The following SMYD4 variants were observed in gnomAD, a reference collection of about 807,000 sequenced individuals.
SMYD4 encodes protein-lysine N-methyltransferase SMYD4.
Under a neutral mutation model 72.8 loss-of-function variants are expected in SMYD4, and 68 were observed. That is an observed-to-expected ratio of 0.93 (90% CI 0.77 to 1.14). The LOEUF (loss-of-function observed/expected upper bound fraction) is 1.14, where lower values mean the gene tolerates loss of function less well. Among genes scored for constraint, SMYD4 ranks in the 50% most tolerant of loss-of-function variants. The probability of loss-of-function intolerance (pLI) is 0.00; values close to 1 mark genes in which losing one functional copy is unlikely to be tolerated. For synonymous variants in SMYD4, 407 were observed against 388.6 expected (o/e 1.05, Z -0.56); for missense variants, 984 against 1,003.7 (o/e 0.98, Z 0.27).
chr17:1,782,961 T>C (rs1908443667), intron 10 of SMYD4, 74 bp downstream of exon 10: 8 of 1,547,872 alleles, frequency 5.2e-6, no homozygotes, highest in South Asian at 4.9e-5. Context: ...AAAAACACCA[T>C]AGAAAAAAAG....
At chr17:1,802,237 T>C (rs989200654) in intron 4 of SMYD4, among the ~76,000 whole-genome samples, 1 of 152,152 alleles carries the variant, frequency 6.6e-6, no homozygotes, top group Non-Finnish European at 1.5e-5. Flanking sequence ...ACGCCTGTAA[T>C]CCCAGCATTA....
At chr17:1,817,927 G>C (rs971351027) in intron 2 of SMYD4, among the ~76,000 whole-genome samples, 2 of 151,634 alleles carry the variant, frequency 1.3e-5, no homozygotes, top group Non-Finnish European at 2.9e-5. Flanking sequence ...GGTGCCTGTA[G>C]TCCCAGCTAC....
intron 2 of SMYD4, among the ~76,000 whole-genome samples, chr17:1,817,736 A>C (rs942306492): frequency 1.3e-5 from 2 of 151,958 alleles, no homozygotes; most frequent in African/African-American, 4.8e-5. Context: ...CAATGTCAAG[A>C]TTTTCCCCTA....
At chr17:1,817,954 G>C (rs1361267844) in intron 2 of SMYD4, among the ~76,000 whole-genome samples, 1 of 150,392 alleles carries the variant, frequency 6.6e-6, no homozygotes. Context: ...GGCTGAGGCA[G>C]GAGAATGGCG....
At chr17:1,784,577 G>C in intron 7 of SMYD4, 116 bp from the exon 8 acceptor site, 1 of 1,506,382 alleles carries the variant, frequency 6.6e-7, no homozygotes, top group Admixed American at 2.2e-5. Flanking sequence ...AGAGACTCCT[G>C]TAACAATACA....
intron 4 of SMYD4, among the ~76,000 whole-genome samples, chr17:1,803,783 A>C (rs1176362577): frequency 6.6e-6 from 1 of 151,360 alleles, no homozygotes; most frequent in Admixed American, 6.6e-5. Context: ...ACAGGCGTGA[A>C]CCACCATGCC....
At chr17:1,813,623 CG>C in intron 2 of SMYD4, among the ~76,000 whole-genome samples, 1 of 152,040 alleles carries the variant, frequency 6.6e-6, no homozygotes, top group East Asian at 1.9e-4. Context: ...ATCATGTTGC[CG>C]AGGCCGGTCT....
chr17:1,803,056 T>C lies in SMYD4; in HGVS notation c.369+1570A>G, dbSNP rs189906110. Reference sequence around the variant, plus strand: ...CTACTCAGAGGCTGAGGCAGGAGAATCGTTGAACCCGGGAGGCGGAGGTTG... The same window carrying C: ...CTACTCAGAGGCTGAGGCAGGAGAACCGTTGAACCCGGGAGGCGGAGGTTG... On this transcript the variant is annotated intron_variant, in intron 4 of 10. Coordinates refer to ENST00000305513, the MANE Select transcript of SMYD4 (RefSeq NM_052928.3). 4.1e-4 allele frequency among the ~76,000 whole-genome samples: 63 copies of C among 152,254 alleles called. No homozygotes were observed. In the East Asian group the frequency reaches 0.012, roughly 28 times the overall value.
At chr17:1,782,944 T>C (rs1908442604) in intron 10 of SMYD4, 91 bp downstream of exon 10, 1 of 1,529,428 alleles carries the variant, frequency 6.5e-7, no homozygotes, top group Non-Finnish European at 8.8e-7. Flanking sequence ...AGTTTCAACA[T>C]GCTTTTAAAA....
Position 1,800,062 on chromosome 17 carries a change from A to G in SMYD4, c.1332T>C (p.Ala444=). The part of the protein sequence containing the change: ...NHSPEHKFLC[A]LCVSALCRQL... ...GTCTGCACAGTGCAGAAACACAGAG[A>G]GCACAGAGGAATTTGTGCTCTGGGC... Residue 444 remains alanine (A), a synonymous_variant, in exon 5 of 11, where the codon GCT becomes GCC. Transcript: ENST00000305513. 2 of 1,612,734 alleles carry G rather than the reference A, an allele frequency of 1.2e-6. No individual in the cohort carries two copies.
intron 2 of SMYD4, among the ~76,000 whole-genome samples, chr17:1,815,706 GTTT>G (rs112578899): frequency 6.9e-6 from 1 of 145,384 alleles, no homozygotes; most frequent in Non-Finnish European, 1.5e-5. Context: ...GCAATCTAAT[GTTT>G]TTTTTTTTGA....
chr17:1,825,309 T>C (rs905515746), intron 2 of SMYD4, among the ~76,000 whole-genome samples: 1 of 152,244 alleles, frequency 6.6e-6, no homozygotes, highest in Middle Eastern at 3.4e-3. Context: ...TAACATAATG[T>C]TGTACCCCTT....
chr17:1,810,602 C>T (rs950512192), intron 3 of SMYD4, among the ~76,000 whole-genome samples: 2 of 152,160 alleles, frequency 1.3e-5, no homozygotes, highest in African/African-American at 4.8e-5. Context: ...AAGGCGGGTC[C>T]CTGGGTAGGG....
intron 2 of SMYD4, among the ~76,000 whole-genome samples, chr17:1,826,358 G>A (rs1911167999): frequency 6.6e-6 from 1 of 152,018 alleles, no homozygotes; most frequent in Admixed American, 6.6e-5. Flanking sequence ...CGGGTATGGT[G>A]GAATGCGCCT....
chr17:1,791,437 A>G (rs1384435746), intron 5 of SMYD4, among the ~76,000 whole-genome samples: 1 of 152,086 alleles, frequency 6.6e-6, no homozygotes, highest in East Asian at 1.9e-4. Flanking sequence ...CCTAGTTAAC[A>G]CTTTAATCCT....
intron 5 of SMYD4, among the ~76,000 whole-genome samples, chr17:1,791,970 A>T (rs1014578136): frequency 6.6e-6 from 1 of 152,228 alleles, no homozygotes; most frequent in African/African-American, 2.4e-5. Flanking sequence ...AACATTACAG[A>T]GAAAATGACA....
intron 2 of SMYD4, among the ~76,000 whole-genome samples, chr17:1,827,106 T>C (rs531727823): frequency 1.1e-4 from 16 of 151,952 alleles, no homozygotes; most frequent in Non-Finnish European, 1.8e-4. Context: ...TGAGCTGAGA[T>C]TGTGCCACTG....
chr17:1,827,432 T>G (rs1412670430), intron 2 of SMYD4, among the ~76,000 whole-genome samples: 1 of 150,816 alleles, frequency 6.6e-6, no homozygotes, highest in East Asian at 1.9e-4. Flanking sequence ...AAGGCAGGCA[T>G]TAGTCAAAAG....
chr17:1,798,815 T>C (rs1416350600), intron 5 of SMYD4, among the ~76,000 whole-genome samples: 1 of 151,464 alleles, frequency 6.6e-6, no homozygotes, highest in African/African-American at 2.4e-5. Context: ...ATGAGAATCA[T>C]TTGAACCTGG....
Sources: gnomAD v4.1 joint callset for allele counts (sites outside exome capture counted in the v4.1 genomes callset) on GRCh38, gnomAD v4.1.1 for gene constraint, MANE v1.5 for transcripts, NCBI Gene and HGNC (gene_info 2026-07-23, HGNC 2026-07-21) for gene names.